The following SORBS2 variants were observed in gnomAD, a reference collection of about 807,000 sequenced individuals.
The protein encoded by SORBS2 is sorbin and SH3 domain containing 2.
A neutral mutation model predicts 97.7 loss-of-function variants in SORBS2; 46 were observed. The ratio of observed to expected loss-of-function variants is 0.47; its 90% CI spans 0.37 to 0.60. The LOEUF (loss-of-function observed/expected upper bound fraction) is 0.60, where lower values mean the gene tolerates loss of function less well. SORBS2 is among the 20% of genes least tolerant of loss of function. The pLI is 0.00. For synonymous variants in SORBS2, 476 were observed against 473.4 expected, an observed-to-expected ratio of 1.01 and a Z score of -0.07; for missense variants, 1,316 against 1,282.3, an observed-to-expected ratio of 1.03 and a Z score of -0.40.
intron 1 of SORBS2, among the ~76,000 whole-genome samples, chr4:185,843,909 C>A (rs1437729508): frequency 2.0e-5 from 3 of 152,146 alleles, no homozygotes; most frequent in Non-Finnish European, 2.9e-5. Flanking sequence ...AGTAGAATAG[C>A]CTAAGCAATG....
At chr4:185,656,212 C>T (rs1311409429) in intron 1 of SORBS2, among the ~76,000 whole-genome samples, 1 of 152,188 alleles carries the variant, frequency 6.6e-6, no homozygotes, top group Non-Finnish European at 1.5e-5. Context: ...AATGTCATAT[C>T]ACATTCAACG....
At chr4:185,919,333 A>T (rs2099259885) in intron 1 of SORBS2, 1 of 152,170 alleles carries the variant, frequency 6.6e-6, no homozygotes, top group Non-Finnish European at 1.5e-5. Flanking sequence ...AGTACATGAC[A>T]TTTGCAGTTG....
At chr4:185,937,720 G>T (rs928854551) in intron 1 of SORBS2, among the ~76,000 whole-genome samples, 9 of 152,032 alleles carry the variant, frequency 5.9e-5, no homozygotes, top group African/African-American at 2.2e-4. Context: ...AGGGGAGGGG[G>T]AAATGAGGAA....
rs889139411 is a variant in SORBS2, at chr4:185,866,984, A to G, written c.-338+89212T>C. ...GGAGTAACGCAATGTATACTAAAAT[A>G]TTAAAGGTTTATTTTATTTTATTTT... On this transcript the variant is annotated intron_variant, in intron 1 of 20. Transcript: ENST00000284776. Among the ~76,000 whole-genome samples, 12 of 152,240 alleles carry G rather than the reference A, an allele frequency of 7.9e-5. No homozygotes were observed. The South Asian group carries it at 2.3e-3, about 29-fold the overall frequency.
chr4:185,772,749 C>G (rs2098978733), intron 2 of SORBS2: 1 of 152,176 alleles, frequency 6.6e-6, no homozygotes, highest in Non-Finnish European at 1.5e-5. Context: ...CGTGTGCCCT[C>G]ATGAAACTAT....
At chr4:185,725,381 T>TC (rs1408929426) in intron 2 of SORBS2, among the ~76,000 whole-genome samples, 11 of 152,228 alleles carry the variant, frequency 7.2e-5, no homozygotes, top group African/African-American at 2.7e-4. Flanking sequence ...AAATGTGGGT[T>TC]CTGCCACCTA....
At chr4:185,594,655 T>C (rs2096041593) in intron 12 of SORBS2, among the ~76,000 whole-genome samples, 1 of 152,232 alleles carries the variant, frequency 6.6e-6, no homozygotes, top group South Asian at 2.1e-4. Context: ...GACCAGTATC[T>C]GTAATAGATA....
chr4:185,889,286 C>T (rs1444157794), intron 1 of SORBS2, among the ~76,000 whole-genome samples: 2 of 152,112 alleles, frequency 1.3e-5, no homozygotes, highest in Admixed American at 1.3e-4. Flanking sequence ...TGAGGTGCAA[C>T]AATGTTAAAA....
chr4:185,760,716 C>G (rs555188502), intron 2 of SORBS2, among the ~76,000 whole-genome samples: 1 of 152,328 alleles, frequency 6.6e-6, no homozygotes, highest in Admixed American at 6.5e-5. Flanking sequence ...TTCACAAATA[C>G]GAGTTCATGA....
chr4:185,655,975 C>T (rs1280271185), intron 1 of SORBS2, among the ~76,000 whole-genome samples: 3 of 152,208 alleles, frequency 2.0e-5, no homozygotes, highest in African/African-American at 7.2e-5. Context: ...GTGCCAGTTA[C>T]ACAAAACCAA....
intron 1 of SORBS2, among the ~76,000 whole-genome samples, chr4:185,779,478 T>C (rs186368602): frequency 6.6e-6 from 1 of 152,364 alleles, no homozygotes; most frequent in Non-Finnish European, 1.5e-5. Context: ...TTTTAAAAGA[T>C]ACTGTGGTGA....
intron 4 of SORBS2, chr4:185,638,902 C>T: frequency 1.3e-6 from 2 of 1,481,710 alleles, no homozygotes; most frequent in Admixed American, 2.9e-5. Flanking sequence ...AGCCGGGGCG[C>T]GCGAGCTTGG....
chr4:185,955,453 G>A (rs2099279095), intron 1 of SORBS2, among the ~76,000 whole-genome samples: 1 of 152,158 alleles, frequency 6.6e-6, no homozygotes, highest in East Asian at 1.9e-4. Flanking sequence ...GATAATTGAT[G>A]GGGCCAAGAG....
intron 1 of SORBS2, among the ~76,000 whole-genome samples, chr4:185,813,298 TATTA>T (rs1316311208): frequency 2.6e-5 from 4 of 152,330 alleles, no homozygotes; most frequent in Middle Eastern, 3.4e-3. Context: ...CTGCCTTCAG[TATTA>T]ATTCCCAAAT....
At chr4:185,619,454 G>T (rs1010173002) in intron 8 of SORBS2, among the ~76,000 whole-genome samples, 1 of 152,136 alleles carries the variant, frequency 6.6e-6, no homozygotes, top group African/African-American at 2.4e-5. Context: ...CCTCTGGAGC[G>T]GCTACCAGTC....
intron 2 of SORBS2, among the ~76,000 whole-genome samples, chr4:185,681,928 A>C (rs2097875051): frequency 6.6e-6 from 1 of 152,186 alleles, no homozygotes; most frequent in African/African-American, 2.4e-5. Flanking sequence ...TGACACTATC[A>C]CTATATTTTT....
At chr4:185,639,137 G>A (rs1327648849) in intron 4 of SORBS2, 102 bp from the exon 14 acceptor site, 3 of 1,099,444 alleles carry the variant, frequency 2.7e-6, no homozygotes, top group African/African-American at 1.7e-5. Context: ...TAGGCCGGGA[G>A]GGGAGAGGCC....
At chr4:185,851,270 C>T (rs2099217746) in intron 1 of SORBS2, among the ~76,000 whole-genome samples, 1 of 152,136 alleles carries the variant, frequency 6.6e-6, no homozygotes, top group Non-Finnish European at 1.5e-5. Flanking sequence ...TCTTCCCAGA[C>T]ATGAAGAAAT....
At chr4:185,590,638 C>G (rs2095903932) in intron 13 of SORBS2, among the ~76,000 whole-genome samples, 1 of 152,112 alleles carries the variant, frequency 6.6e-6, no homozygotes, top group Non-Finnish European at 1.5e-5. Context: ...CTTTCCCGGC[C>G]TGAATTCTTT....
Sources: gnomAD v4.1 joint callset for allele counts (sites outside exome capture counted in the v4.1 genomes callset) on GRCh38, gnomAD v4.1.1 for gene constraint, MANE v1.5 for transcripts, NCBI Gene and HGNC (gene_info 2026-07-23, HGNC 2026-07-21) for gene names.